ALLC: variants seen among roughly 807,000 people sequenced by gnomAD.
ALLC encodes the protein allantoicase.
Under a neutral mutation model 45.0 loss-of-function variants are expected in ALLC, and 40 were observed. The observed-to-expected ratio is 0.89, with a 90% CI of 0.69 to 1.16. ALLC has a LOEUF of 1.16. Among genes scored for constraint, ALLC ranks in the 50% most tolerant of loss-of-function variants. ALLC has a pLI of 0.00. For missense variants in ALLC, 488 were observed against 493.1 expected, an observed-to-expected ratio of 0.99 and a Z score of 0.10; for synonymous variants, 176 against 178.1, an observed-to-expected ratio of 0.99 and a Z score of 0.09.
At chr2:3,674,492 A>G (rs1475381604) in intron 3 of ALLC, among the ~76,000 whole-genome samples, 1 of 152,136 alleles carries the variant, frequency 6.6e-6, no homozygotes, top group Non-Finnish European at 1.5e-5. Flanking sequence ...ACAGCTTATT[A>G]AAAAAATAGA....
rs557819631 is a variant in ALLC at position 3,697,386 on chromosome 2, A to G, written c.780A>G (p.Glu260=). Residue 260 remains glutamate (E), a synonymous_variant, in exon 10 of 12, where the codon GAA becomes GAG. Transcript: ENST00000252505. The stretch of plus-strand genomic sequence containing the variant: ...GCATTCTCTTGGTTCCGGGTTGTGA[A>G]TGGGCAGTTTTCCGATTGGCACATC... ...ENGILLVPGC[E]WAVFRLAHPG... is the part of the protein sequence containing the mutation. The G allele has an allele frequency of 3.1e-6, 5 of 1,613,958 alleles. No individual in the cohort carries two copies. Among genetic ancestry groups the G allele is most frequent in the East Asian group, 2.2e-5 (1 of 44,874 alleles).
chr2:3,663,695 T>G (rs1666629753), intron 1 of ALLC, among the ~76,000 whole-genome samples: 2 of 152,208 alleles, frequency 1.3e-5, no homozygotes, highest in African/African-American at 4.8e-5. Context: ...GTTTCCTATG[T>G]TGATGAATGG....
chr2:3,667,291 C>T (rs116684339), intron 1 of ALLC, among the ~76,000 whole-genome samples: 2,373 of 152,362 alleles, frequency 0.016, 62 homozygotes, highest in African/African-American at 0.053. Context: ...CGTCTGTCCC[C>T]TCCACTGCAC....
rs1473369725 is a variant in ALLC, at chr2:3,678,520, T to C, written c.137T>C (p.Met46Thr). Residue 46 changes from methionine to threonine, a missense_variant, in exon 4 of 12, where the codon ATG becomes ACG. Physicochemically the swap from Met to Thr is moderately conservative, Grantham distance 81. Coordinates refer to ENST00000252505, the MANE Select transcript of ALLC (RefSeq NM_018436.4). ...GAATATACGGAGTTTGGGAAATGGA[T>C]GGATGGCTGGGAGACCAGGAGGAAA... is the stretch of plus-strand genomic sequence containing the variant. Reference protein sequence around the residue: ...EHEYTEFGKWMDGWETRRKRI... With the variant: ...EHEYTEFGKWTDGWETRRKRI... The C allele has an allele frequency of 1.9e-6, 3 of 1,614,020 alleles. No individual in the cohort carries two copies. In the Admixed American group the frequency reaches 5.0e-5, roughly 27 times the overall value.
intron 1 of ALLC, among the ~76,000 whole-genome samples, chr2:3,660,253 C>A (rs570173662): frequency 6.6e-6 from 1 of 152,308 alleles, no homozygotes; most frequent in East Asian, 1.9e-4. Context: ...TGGCTGCACG[C>A]CGGCTCCCTT....
At chr2:3,666,155 G>C (rs1308125171) in intron 1 of ALLC, among the ~76,000 whole-genome samples, 1 of 152,164 alleles carries the variant, frequency 6.6e-6, no homozygotes, top group Non-Finnish European at 1.5e-5. Context: ...CATGCCCCAC[G>C]TTACCAGGAC....
chr2:3,697,382 G>A lies in ALLC; in HGVS notation c.776G>A (p.Cys259Tyr). The change falls in exon 10 of 12, where the codon TGT becomes TAT. Residue 259 changes from cysteine to tyrosine, a missense_variant. Coordinates refer to ENST00000252505, the MANE Select transcript of ALLC (RefSeq NM_018436.4). ...DENGILLVPG[C>Y]EWAVFRLAHP... ...AATGGCATTCTCTTGGTTCCGGGTTGTGAATGGGCAGTTTTCCGATTGGCA... is the reference window on the plus strand; with the variant it reads ...AATGGCATTCTCTTGGTTCCGGGTTATGAATGGGCAGTTTTCCGATTGGCA... 1 of 1,613,954 alleles carries A rather than the reference G, an allele frequency of 6.2e-7. No homozygotes were observed. The highest frequency in any genetic ancestry group is 8.5e-7 in the Non-Finnish European group (1 of 1,179,862).
At chr2:3,697,613 G>GTCTATCTA in intron 10 of ALLC, among the ~76,000 whole-genome samples, 157 bp downstream of exon 10, 1 of 105,518 alleles carries the variant, frequency 9.5e-6, no homozygotes, top group East Asian at 2.5e-4. Context: ...TTAGAACTCT[G>GTCTATCTA]TCTGTCTGTC....
rs142939548 is a variant in ALLC at position 3,694,121 on chromosome 2, A to G, written c.512-1596A>G. Among the ~76,000 whole-genome samples, 33 of 152,368 alleles carry G rather than the reference A, an allele frequency of 2.2e-4. No individual in the cohort carries two copies. In the East Asian group the frequency reaches 6.0e-3, roughly 28 times the overall value. On this transcript the variant is annotated intron_variant, in intron 7 of 11. Coordinates refer to ENST00000252505, the MANE Select transcript of ALLC (RefSeq NM_018436.4). ...CCAAAATAGCAACTTTATATGTCCA[A>G]CCCAATTTGTACAGGATTCACGAGT...
At chr2:3,655,559 G>A (rs1173698389), upstream of ALLC, among the ~76,000 whole-genome samples, 3 of 152,178 alleles carry the variant, frequency 2.0e-5, no homozygotes, top group East Asian at 1.9e-4. Flanking sequence ...GGGCTCAAGC[G>A]ATCCTCCCAC....
intron 3 of ALLC, among the ~76,000 whole-genome samples, chr2:3,675,712 TAAATG>T (rs1667006903): frequency 6.6e-6 from 1 of 152,136 alleles, no homozygotes; most frequent in African/African-American, 2.4e-5. Flanking sequence ...ACATTACAGA[TAAATG>T]TAAAGTTCAC....
intron 7 of ALLC, among the ~76,000 whole-genome samples, chr2:3,693,042 CT>C (rs746441430): frequency 6.6e-6 from 1 of 152,226 alleles, no homozygotes; most frequent in Non-Finnish European, 1.5e-5. Flanking sequence ...GCAGTCTCCA[CT>C]TTGCTGATCT....
chr2:3,651,155 C>T, the ALLC span, among the ~76,000 whole-genome samples: 202 of 152,094 alleles, frequency 1.3e-3, no homozygotes, highest in African/African-American at 4.4e-3. Flanking sequence ...CTGGGGCTGC[C>T]CGGCGGTGGC....
At chr2:3,673,246 C>T (rs72769383) in intron 2 of ALLC, among the ~76,000 whole-genome samples, 1 of 152,194 alleles carries the variant, frequency 6.6e-6, no homozygotes, top group Admixed American at 6.5e-5. Flanking sequence ...GAGTTGGGAG[C>T]ACGAGTCTGG....
chr2:3,693,753 C>T (rs187701521), intron 7 of ALLC, among the ~76,000 whole-genome samples: 27 of 152,282 alleles, frequency 1.8e-4, no homozygotes, highest in African/African-American at 5.3e-4. Context: ...GGAAAGAGGC[C>T]GAGGTGGGCA....
At chr2:3,649,243 C>CTTT in the ALLC span, among the ~76,000 whole-genome samples, 31 of 140,510 alleles carry the variant, frequency 2.2e-4, no homozygotes, top group East Asian at 6.2e-4. Context: ...CCAAACACTT[C>CTTT]TTTTTTTTTT....
At chr2:3,675,988 G>C (rs1667015398) in intron 3 of ALLC, among the ~76,000 whole-genome samples, 1 of 152,234 alleles carries the variant, frequency 6.6e-6, no homozygotes, top group Admixed American at 6.5e-5. Flanking sequence ...ACAGAGAAGA[G>C]AGGGGAAGCA....
At chr2:3,647,068 C>T in the ALLC span, among the ~76,000 whole-genome samples, 1 of 152,152 alleles carries the variant, frequency 6.6e-6, no homozygotes, top group African/African-American at 2.4e-5. Context: ...CCCCCGCACC[C>T]CTCATCCCCC....
At position 3,682,776 on chromosome 2, in the gene ALLC, C is replaced by G. The variant is rs371189374; in HGVS notation, c.379-166C>G. 1.4e-4 allele frequency among the ~76,000 whole-genome samples: 21 copies of G among 152,196 alleles called. 1 individual carries two copies. Among genetic ancestry groups the G allele is most frequent in the Non-Finnish European group, 4.4e-5 (3 of 68,034 alleles). On this transcript the variant is annotated intron_variant, in intron 6 of 11. Coordinates refer to ENST00000252505, the MANE Select transcript of ALLC (RefSeq NM_018436.4). ...TCCTGACCTTGTGATCCGCCCGCCT[C>G]GGCCTCCCAAGGTGCTGGGATTACA...
Sources: allele counts gnomAD v4.1 joint callset (sites outside exome capture counted in the v4.1 genomes callset), GRCh38; gene constraint gnomAD v4.1.1; transcripts MANE v1.5; gene names NCBI Gene and HGNC (gene_info 2026-07-23, HGNC 2026-07-21).